SLC22A15: variants seen among roughly 807,000 people sequenced by gnomAD.
SLC22A15 encodes flipt 1.
Under a neutral mutation model 62.7 loss-of-function variants are expected in SLC22A15, and 45 were observed. That is an observed-to-expected ratio of 0.72 (90% CI 0.56 to 0.92). The LOEUF (loss-of-function observed/expected upper bound fraction) is 0.92, where lower values mean the gene tolerates loss of function less well. SLC22A15 is among the 40% of genes least tolerant of loss of function. The pLI, the probability that SLC22A15 is intolerant of heterozygous loss-of-function variation, is 0.00. For missense variants in SLC22A15, 622 were observed against 665.6 expected, an observed-to-expected ratio of 0.93 and a Z score of 0.72; for synonymous variants, 264 against 267.0, an observed-to-expected ratio of 0.99 and a Z score of 0.11.
chr1:116,054,688 G>T (rs1245031531), intron 8 of SLC22A15, among the ~76,000 whole-genome samples: 2 of 152,290 alleles, frequency 1.3e-5, no homozygotes, highest in African/African-American at 4.8e-5. Context: ...TAAGAGAACA[G>T]AAATTATAAC....
chr1:116,000,687 G>A lies in SLC22A15; in HGVS notation c.300+8444G>A, dbSNP rs570152380. Among the ~76,000 whole-genome samples, 183 of 136,590 alleles carry A rather than the reference G, an allele frequency of 1.3e-3. 1 individual carries two copies. Among genetic ancestry groups the A allele is most frequent in the African/African-American group, 4.8e-3 (176 of 36,434 alleles). The allele number at this position is 136,590 out of a possible 152,430, so 89.6% of individuals were successfully genotyped here. ...ACTCTGTCGCCCAGGCTGGAGTGCA[G>A]TGGCTTGATCCCGGCTCACTGCAAA... On this transcript the variant is annotated intron_variant, in intron 2 of 11. Transcript: ENST00000369503.
Position 116,067,267 on chromosome 1 carries a change from T to A in SLC22A15, c.*159T>A. 3.3e-6 allele frequency: 2 copies of A among 598,664 alleles called. No homozygotes were observed. Among genetic ancestry groups the A allele is most frequent in the Non-Finnish European group, 5.9e-6 (2 of 337,922 alleles). The allele number at this position is 598,664 out of a possible 1,614,324, so 37.1% of individuals were successfully genotyped here. On this transcript the variant is annotated 3_prime_UTR_variant, in exon 12 of 12. Coordinates refer to ENST00000369503, the MANE Select transcript of SLC22A15 (RefSeq NM_018420.3). Reference sequence around the variant, plus strand: ...GGACTGATGTTTTTAGGCACAGAAGTTGGAGAAGAGATTTCATGAAAGACA... The same window carrying A: ...GGACTGATGTTTTTAGGCACAGAAGATGGAGAAGAGATTTCATGAAAGACA...
chr1:116,011,774 G>A (rs1042298104), intron 2 of SLC22A15, among the ~76,000 whole-genome samples: 1 of 152,168 alleles, frequency 6.6e-6, no homozygotes, highest in Non-Finnish European at 1.5e-5. Flanking sequence ...GTTCACGGGG[G>A]AGGAGGTGGG....
chr1:116,041,448 A>G (rs1433125399), intron 8 of SLC22A15, among the ~76,000 whole-genome samples: 3 of 152,246 alleles, frequency 2.0e-5, no homozygotes, highest in Admixed American at 1.3e-4. Context: ...TTAAACAACA[A>G]TAGAACCAGA....
At chr1:115,999,421 G>A (rs1056717585) in intron 2 of SLC22A15, among the ~76,000 whole-genome samples, 2 of 151,674 alleles carry the variant, frequency 1.3e-5, no homozygotes, top group African/African-American at 4.8e-5. Flanking sequence ...TTGTATTGGG[G>A]TTTATCTCTC....
chr1:116,048,342 A>G (rs1182154297), intron 8 of SLC22A15, among the ~76,000 whole-genome samples: 2 of 152,222 alleles, frequency 1.3e-5, no homozygotes, highest in African/African-American at 4.8e-5. Context: ...CAGAAGCAGC[A>G]GGTAACCCAT....
At chr1:116,045,738 C>CAAAAAAAAAA (rs34360597) in intron 8 of SLC22A15, among the ~76,000 whole-genome samples, 2 of 101,702 alleles carry the variant, frequency 2.0e-5, no homozygotes, top group Admixed American at 1.2e-4. Flanking sequence ...GACTCCATCT[C>CAAAAAAAAAA]AAAAAAAAAA....
At chr1:116,057,728 TA>T (rs1187667914) in intron 8 of SLC22A15, among the ~76,000 whole-genome samples, 7 of 152,042 alleles carry the variant, frequency 4.6e-5, no homozygotes, top group African/African-American at 9.7e-5. Context: ...TATACAGCCA[TA>T]AAAAATGATG....
intron 1 of SLC22A15, among the ~76,000 whole-genome samples, chr1:115,977,458 T>C (rs946792910): frequency 2.6e-5 from 4 of 152,266 alleles, no homozygotes; most frequent in African/African-American, 7.2e-5. Flanking sequence ...ACAGATTAAC[T>C]GCGCCAGGCA....
intron 8 of SLC22A15, among the ~76,000 whole-genome samples, chr1:116,044,744 A>G (rs1332927449): frequency 6.6e-6 from 1 of 152,196 alleles, no homozygotes; most frequent in African/African-American, 2.4e-5. Flanking sequence ...AAACAGTTAA[A>G]ACTGAAATAA....
chr1:115,989,835 C>A (rs1655063086), intron 1 of SLC22A15, among the ~76,000 whole-genome samples: 1 of 151,568 alleles, frequency 6.6e-6, no homozygotes, highest in Admixed American at 6.6e-5. Flanking sequence ...TTGAATAGTG[C>A]CTCGCACATA....
chr1:116,000,221 A>G (rs1015157063), intron 2 of SLC22A15, among the ~76,000 whole-genome samples: 2 of 151,834 alleles, frequency 1.3e-5, no homozygotes, highest in East Asian at 1.9e-4. Context: ...CTGGTGGTAT[A>G]TTTTAATTTC....
At chr1:116,036,073 G>A (rs559975338) in intron 7 of SLC22A15, among the ~76,000 whole-genome samples, 24 of 152,268 alleles carry the variant, frequency 1.6e-4, no homozygotes, top group African/African-American at 5.1e-4. Flanking sequence ...GTTTTGAAGG[G>A]CAGGTTTGGA....
In SLC22A15 at chr1:116,033,552, T is replaced by C. The variant is rs1156790989; in HGVS notation, c.945-1635T>C. On this transcript the variant is annotated intron_variant, in intron 6 of 11. Coordinates refer to ENST00000369503, the MANE Select transcript of SLC22A15 (RefSeq NM_018420.3). ...TGTCACAGCTTGATTTAAATAGGGG[T>C]GTCTCTGTGTGTGTGTGTGTGTGTG... is the stretch of plus-strand genomic sequence containing the variant. Among the ~76,000 whole-genome samples the C allele has an allele frequency of 1.6e-4, 11 of 67,616 alleles. No individual in the cohort carries two copies. The Admixed American group carries it at 2.5e-3, about 16-fold the overall frequency. The allele number at this position is 67,616 out of a possible 152,430, so 44.4% of individuals were successfully genotyped here.
chr1:115,988,126 C>T (rs972480800), intron 1 of SLC22A15, among the ~76,000 whole-genome samples: 1 of 152,190 alleles, frequency 6.6e-6, no homozygotes, highest in East Asian at 1.9e-4. Flanking sequence ...CCATCTGTGG[C>T]ACTTGTTCTC....
At chr1:116,016,526 G>A (rs550768542) in intron 2 of SLC22A15, among the ~76,000 whole-genome samples, 1 of 152,164 alleles carries the variant, frequency 6.6e-6, no homozygotes, top group Admixed American at 6.5e-5. Flanking sequence ...CACCCAGCCT[G>A]TATCTGTAGT....
intron 1 of SLC22A15, among the ~76,000 whole-genome samples, chr1:115,988,291 G>A (rs747862179): frequency 2.6e-5 from 4 of 152,140 alleles, no homozygotes; most frequent in Non-Finnish European, 4.4e-5. Context: ...GGGTGAATGT[G>A]TGCATGGTAG....
intron 8 of SLC22A15, among the ~76,000 whole-genome samples, chr1:116,053,636 G>T (rs1301784467): frequency 1.3e-5 from 2 of 152,182 alleles, no homozygotes; most frequent in Admixed American, 1.3e-4. Context: ...AGGAAAAAAT[G>T]TTAAGGGCAG....
intron 9 of SLC22A15, 139 bp from the exon 10 acceptor site, chr1:116,064,297 G>A (rs946484047): frequency 1.4e-5 from 9 of 622,590 alleles, no homozygotes; most frequent in Admixed American, 1.4e-4. Flanking sequence ...CATCTAGTAG[G>A]CAGCTCTAGA....
Sources: allele counts gnomAD v4.1 joint callset (sites outside exome capture counted in the v4.1 genomes callset), GRCh38; gene constraint gnomAD v4.1.1; transcripts MANE v1.5; gene names NCBI Gene and HGNC (gene_info 2026-07-23, HGNC 2026-07-21).